Variants in VPS13B observed in about 807,000 individuals in gnomAD.
The protein encoded by VPS13B is intermembrane lipid transfer protein VPS13B.
In VPS13B, 285 loss-of-function variants were observed where a neutral mutation model predicts 426.4. The observed-to-expected ratio is 0.67, with a 90% CI of 0.61 to 0.74. The LOEUF is 0.74. VPS13B is among the 30% of genes least tolerant of loss of function. The pLI, the probability that VPS13B is intolerant of heterozygous loss-of-function variation, is 0.00. For synonymous variants in VPS13B, 1,676 were observed against 1,676.4 expected (o/e 1.00, Z 0.01); for missense variants, 4,537 against 4,782.6 (o/e 0.95, Z 1.51).
At chr8:99,871,136 G>T (rs1439357616) in intron 60 of VPS13B, 1 of 600,246 alleles carries the variant, frequency 1.7e-6, no homozygotes, top group African/African-American at 1.9e-5. Flanking sequence ...CATTGGCAGA[G>T]AAACCCAGTC....
At chr8:99,515,426 C>CCTGCTG (rs1396088910) in intron 29 of VPS13B, among the ~76,000 whole-genome samples, 1 of 150,930 alleles carries the variant, frequency 6.6e-6, no homozygotes, top group African/African-American at 2.4e-5. Flanking sequence ...TCCTCCTCCT[C>CCTGCTG]CTGCTGCTGC....
intron 40 of VPS13B, among the ~76,000 whole-genome samples, chr8:99,772,090 TAC>T (rs1225291750): frequency 6.6e-6 from 1 of 152,222 alleles, no homozygotes; most frequent in Admixed American, 6.5e-5. Context: ...CCTTCTTGCA[TAC>T]ACAGTCCCTG....
chr8:99,297,573 A>G (rs1820113920), intron 19 of VPS13B, among the ~76,000 whole-genome samples: 1 of 152,234 alleles, frequency 6.6e-6, no homozygotes, highest in Non-Finnish European at 1.5e-5. Context: ...TACAAAATGA[A>G]AATGTCATTT....
intron 36 of VPS13B, among the ~76,000 whole-genome samples, chr8:99,713,010 T>C (rs1323632348): frequency 4.6e-5 from 7 of 152,150 alleles, no homozygotes; most frequent in African/African-American, 7.2e-5. Flanking sequence ...AATTTTGACA[T>C]TTCAGTACTA....
At chr8:99,747,946 T>C (rs1015779275) in intron 39 of VPS13B, among the ~76,000 whole-genome samples, 2 of 152,004 alleles carry the variant, frequency 1.3e-5, no homozygotes, top group African/African-American at 4.8e-5. Flanking sequence ...ATGTAAGACC[T>C]AGTCTATGGG....
chr8:99,232,032 G>GT (rs777456469), intron 17 of VPS13B, among the ~76,000 whole-genome samples: 38 of 152,216 alleles, frequency 2.5e-4, no homozygotes, highest in Admixed American at 1.6e-3. Context: ...GTAACCAAGC[G>GT]TAAGTTGAGG....
chr8:99,561,383 C>T (rs1442933053), intron 31 of VPS13B, among the ~76,000 whole-genome samples: 1 of 152,156 alleles, frequency 6.6e-6, no homozygotes, highest in Non-Finnish European at 1.5e-5. Context: ...TAGCATATAT[C>T]AGTATTTCAA....
intron 15 of VPS13B, among the ~76,000 whole-genome samples, chr8:99,165,669 A>G (rs921056909): frequency 6.6e-6 from 1 of 152,216 alleles, no homozygotes; most frequent in African/African-American, 2.4e-5. Context: ...GTTTTCATAC[A>G]CATTTTACGG....
At chr8:99,712,135 C>T (rs1449782) in intron 36 of VPS13B, among the ~76,000 whole-genome samples, 142,448 of 152,310 alleles carry the variant, frequency 0.94, 66,750 homozygotes, top group East Asian at 1. Context: ...GGATTGCACA[C>T]GACAGAAAAT....
chr8:99,669,928 G>T (rs1220349040), intron 35 of VPS13B, among the ~76,000 whole-genome samples: 1 of 151,940 alleles, frequency 6.6e-6, no homozygotes, highest in African/African-American at 2.4e-5. Flanking sequence ...TTAAATGATT[G>T]CATTTCCACA....
chr8:99,425,063 G>A (rs1816614268), intron 21 of VPS13B, among the ~76,000 whole-genome samples: 1 of 152,122 alleles, frequency 6.6e-6, no homozygotes, highest in African/African-American at 2.4e-5. Context: ...TAAAATTGAG[G>A]CAATAATTAA....
intron 17 of VPS13B, among the ~76,000 whole-genome samples, chr8:99,252,407 T>C (rs188598749): frequency 6.6e-6 from 1 of 152,232 alleles, no homozygotes; most frequent in Admixed American, 6.5e-5. Context: ...TAATGTGGTC[T>C]GAGAACAAAC....
In VPS13B at chr8:99,121,463, C is replaced by G; in HGVS notation, c.1206+18C>G. 4.3e-6 allele frequency: 7 copies of G among 1,611,216 alleles called. No individual in the cohort carries two copies. Among genetic ancestry groups the G allele is most frequent in the Non-Finnish European group, 5.9e-6 (7 of 1,179,204 alleles). ...CTTTCAAAGTAGGTCTTTTCTCTTG[C>G]TGTTTATATCTCTATCAACTTTAAT... On this transcript the variant is annotated intron_variant, in intron 8 of 61. Coordinates refer to ENST00000357162, the MANE Select transcript of VPS13B (RefSeq NM_152564.5).
intron 39 of VPS13B, among the ~76,000 whole-genome samples, chr8:99,752,004 G>A (rs1810420445): frequency 6.6e-6 from 1 of 152,056 alleles, no homozygotes; most frequent in Admixed American, 6.6e-5. Flanking sequence ...TCTTTCTAGG[G>A]AGACAACTAT....
chr8:99,486,244 G>GT lies in VPS13B; in HGVS notation c.3870+4453dup, dbSNP rs1207580107. ...CATTTAGTTTCTCATGTTTGTTTTG[G>GT]TTTTTTTTTTTACTATAGTTGTCCA... On this transcript the variant is annotated intron_variant, in intron 25 of 61. Transcript: ENST00000357162. Among the ~76,000 whole-genome samples the GT allele has an allele frequency of 6.6e-3, 963 of 146,242 alleles. 7 individuals carry two copies. Among genetic ancestry groups the GT allele is most frequent in the African/African-American group, 0.015 (604 of 40,180 alleles).
intron 15 of VPS13B, among the ~76,000 whole-genome samples, chr8:99,163,886 A>G (rs1811837752): frequency 6.6e-6 from 1 of 152,194 alleles, no homozygotes. Flanking sequence ...AAATGCAACC[A>G]AAGTGGGAGC....
chr8:99,286,592 A>G (rs1819455796), intron 19 of VPS13B, among the ~76,000 whole-genome samples: 1 of 152,156 alleles, frequency 6.6e-6, no homozygotes, highest in Admixed American at 6.6e-5. Context: ...TTGCATTGCT[A>G]TCAGTTATCT....
intron 23 of VPS13B, among the ~76,000 whole-genome samples, chr8:99,452,502 A>G (rs1818246691): frequency 2.0e-5 from 3 of 152,310 alleles, no homozygotes; most frequent in South Asian, 4.1e-4. Context: ...AGCTCACTGT[A>G]CATTCTCAGG....
chr8:99,221,412 A>G (rs1458338973), intron 17 of VPS13B, among the ~76,000 whole-genome samples: 1 of 152,218 alleles, frequency 6.6e-6, no homozygotes, highest in Non-Finnish European at 1.5e-5. Flanking sequence ...ATTAGAAAAG[A>G]TTTAAAAATA....
Sources: gnomAD v4.1 joint callset for allele counts (sites outside exome capture counted in the v4.1 genomes callset) on GRCh38, gnomAD v4.1.1 for gene constraint, MANE v1.5 for transcripts, NCBI Gene and HGNC (gene_info 2026-07-23, HGNC 2026-07-21) for gene names.